The following KDM6A variants were observed in gnomAD, a reference collection of about 807,000 sequenced individuals.
KDM6A encodes the protein lysine demethylase 6A, also known as lysine-specific demethylase 6A.
A neutral mutation model predicts 117.6 loss-of-function variants in KDM6A; 11 were observed. The ratio of observed to expected loss-of-function variants is 0.09; its 90% CI spans 0.06 to 0.15. The LOEUF (loss-of-function observed/expected upper bound fraction) is 0.15. KDM6A is among the 10% of genes least tolerant of loss of function. The probability of loss-of-function intolerance (pLI) is 1.00; values close to 1 mark genes in which losing one functional copy is unlikely to be tolerated. For synonymous variants in KDM6A, 384 were observed against 396.1 expected (o/e 0.97, Z 0.36); for missense variants, 799 against 1,077.3 (o/e 0.74, Z 3.62).
intron 18 of KDM6A, among the ~76,000 whole-genome samples, chrX:45,071,488 AG>A (rs1035633765): frequency 8.9e-6 from 1 of 111,975 alleles, no homozygotes; most frequent in African/African-American, 3.2e-5. Flanking sequence ...TTTTATTAGA[AG>A]GTATCCTGGG....
At chrX:44,988,251 A>G (rs1477181305) in intron 4 of KDM6A, among the ~76,000 whole-genome samples, 1 of 111,490 alleles carries the variant, frequency 9.0e-6, no homozygotes, top group African/African-American at 3.3e-5. Context: ...CTTGGTTTTC[A>G]GCTCCATCAG....
rs1468032373 is a variant in KDM6A at position 45,111,418 on chromosome X, T to C, written c.*7T>C. On this transcript the variant is annotated 3_prime_UTR_variant, in exon 30 of 30. Transcript: ENST00000611820. ...ACCATCCGCCTCATCTTGATATTGT[T>C]CCATGGACATTAAATGAGACCTTTT... 1.7e-6 allele frequency: 2 copies of C among 1,180,918 alleles called. No homozygotes were observed. Among genetic ancestry groups the C allele is most frequent in the Non-Finnish European group, 2.3e-6 (2 of 870,126 alleles).
intron 2 of KDM6A, among the ~76,000 whole-genome samples, chrX:44,925,095 C>T (rs1248367263): frequency 1.8e-5 from 2 of 111,673 alleles, no homozygotes; most frequent in African/African-American, 6.5e-5. Context: ...TAATCGTATC[C>T]GGGTTCTAGG....
intron 2 of KDM6A, among the ~76,000 whole-genome samples, chrX:44,875,581 A>G (rs767810009): frequency 9.3e-6 from 1 of 107,584 alleles, no homozygotes; most frequent in Admixed American, 1.0e-4. Context: ...TTTTTTTTCC[A>G]ATTTGAGTAT....
At chrX:44,917,867 T>G (rs1347576564) in intron 2 of KDM6A, among the ~76,000 whole-genome samples, 2 of 112,313 alleles carry the variant, frequency 1.8e-5, no homozygotes, top group African/African-American at 3.2e-5. Flanking sequence ...TTTAGTTTAG[T>G]TAATAATGTC....
In KDM6A at chrX:44,978,984, T is replaced by G. The variant is rs1033308891; in HGVS notation, c.384+4269T>G. Among the ~76,000 whole-genome samples the G allele has an allele frequency of 7.1e-5, 8 of 112,346 alleles. No homozygotes were observed. The Admixed American group carries it at 7.6e-4, about 11-fold the overall frequency. ...ATGGATATGCCACAGTTTTTCTCAG[T>G]TGATAAGTATTTGGGTTGTTTTCAG... On this transcript the variant is annotated intron_variant, in intron 4 of 29. Transcript: ENST00000611820.
chrX:45,050,168 C>A (rs1338548692), intron 8 of KDM6A, among the ~76,000 whole-genome samples: 2 of 112,726 alleles, frequency 1.8e-5, no homozygotes, highest in Admixed American at 1.9e-4. Flanking sequence ...GGAGAAACCC[C>A]ATTTCTACTA....
At chrX:44,933,429 G>A (rs761531862) in intron 2 of KDM6A, among the ~76,000 whole-genome samples, 62 of 105,492 alleles carry the variant, frequency 5.9e-4, no homozygotes, top group Admixed American at 3.3e-3. Flanking sequence ...CTGCCACCAC[G>A]CCCGGCTAAT....
intron 4 of KDM6A, among the ~76,000 whole-genome samples, chrX:44,982,182 AC>A (rs1359617370): frequency 2.7e-5 from 3 of 112,024 alleles, no homozygotes; most frequent in African/African-American, 9.7e-5. Context: ...CATTGATTAA[AC>A]GTTATGGTAA....
At chrX:44,971,971 G>T (rs772206758) in intron 3 of KDM6A, among the ~76,000 whole-genome samples, 3 of 110,054 alleles carry the variant, frequency 2.7e-5, no homozygotes, top group East Asian at 5.7e-4. Context: ...GAGAAGGGTT[G>T]CAGGGCGTTA....
intron 18 of KDM6A, among the ~76,000 whole-genome samples, chrX:45,072,757 G>GA (rs2044911416): frequency 9.1e-6 from 1 of 109,714 alleles, no homozygotes; most frequent in Admixed American, 9.8e-5. Context: ...AATATTGTCA[G>GA]AAAGAGTTCC....
In KDM6A at chrX:45,011,197, C is replaced by T. The variant is rs181762664; in HGVS notation, c.443+178C>T. ...GATTGTTCCTTGAAGGGTGTTGGCT[C>T]ACCTTAGATTTTTAGAGTTGTATGT... On this transcript the variant is annotated intron_variant, in intron 5 of 29. Coordinates refer to ENST00000611820, the MANE Select transcript of KDM6A (RefSeq NM_001291415.2). Among the ~76,000 whole-genome samples, 9 of 111,093 alleles carry T rather than the reference C, an allele frequency of 8.1e-5. No individual in the cohort carries two copies. In the Admixed American group the frequency reaches 8.7e-4, roughly 11 times the overall value.
intron 3 of KDM6A, 30 bp downstream of exon 3, chrX:44,961,422 A>G (rs372038661): frequency 1.1e-6 from 1 of 926,109 alleles, no homozygotes; most frequent in African/African-American, 1.9e-5. Flanking sequence ...TTATTGTTTG[A>G]TTTATACATG....
At chrX:45,032,509 A>G (rs1477609154) in intron 6 of KDM6A, among the ~76,000 whole-genome samples, 1 of 111,068 alleles carries the variant, frequency 9.0e-6, no homozygotes, top group Non-Finnish European at 1.9e-5. Flanking sequence ...AAGTTCTTTC[A>G]TTGTCATAGT....
At chrX:44,885,182 C>T (rs1034219920) in intron 2 of KDM6A, among the ~76,000 whole-genome samples, 2 of 107,826 alleles carry the variant, frequency 1.9e-5, no homozygotes, top group Admixed American at 1.0e-4. Flanking sequence ...TGTGCCAGCA[C>T]GTGCAGCTAA....
chrX:45,011,078 T>C, intron 5 of KDM6A, 59 bp downstream of exon 5: 1 of 904,117 alleles, frequency 1.1e-6, no homozygotes, highest in Non-Finnish European at 1.6e-6. Flanking sequence ...GTTTGCTTGT[T>C]TTGTTTGTGC....
chrX:44,876,491 C>A lies in KDM6A; in HGVS notation c.225+2504C>A, dbSNP rs2031557824. 2.7e-5 allele frequency among the ~76,000 whole-genome samples: 3 copies of A among 109,364 alleles called. No individual in the cohort carries two copies. The South Asian group carries it at 1.2e-3, about 43-fold the overall frequency. 95.0% of individuals were successfully genotyped at this position (109,364 alleles called of 115,157 possible). ...CTATGTTGGTTTCAGAATTCTTATT[C>A]CCTGAAAGTCTTAAGAGTTGGCTTT... On this transcript the variant is annotated intron_variant, in intron 2 of 29. Transcript: ENST00000611820.
chrX:44,939,629 T>A (rs2037176577), intron 2 of KDM6A, among the ~76,000 whole-genome samples: 1 of 112,406 alleles, frequency 8.9e-6, no homozygotes, highest in Non-Finnish European at 1.9e-5. Context: ...ACTCTAGTTT[T>A]GAAAGAAGTT....
chrX:44,990,485 G>C (rs1368621951), intron 4 of KDM6A, among the ~76,000 whole-genome samples: 1 of 110,042 alleles, frequency 9.1e-6, no homozygotes, highest in African/African-American at 3.3e-5. Flanking sequence ...TGGAGGTGGA[G>C]GATGCAGTGG....
Sources: gnomAD v4.1 joint callset for allele counts (sites outside exome capture counted in the v4.1 genomes callset) on GRCh38, gnomAD v4.1.1 for gene constraint, MANE v1.5 for transcripts, NCBI Gene and HGNC (gene_info 2026-07-23, HGNC 2026-07-21) for gene names.